The following IL1RAPL2 variants were observed in gnomAD, a reference collection of about 807,000 sequenced individuals.
IL1RAPL2 encodes interleukin 1 receptor accessory protein like 2, also known as X-linked interleukin-1 receptor accessory protein-like 2.
A neutral mutation model predicts 44.1 loss-of-function variants in IL1RAPL2; 3 were observed. That is an observed-to-expected ratio of 0.07 (90% CI 0.03 to 0.18). IL1RAPL2 has a LOEUF of 0.18. IL1RAPL2 is among the 10% of genes least tolerant of loss of function. The pLI is 1.00. For synonymous variants in IL1RAPL2, 181 were observed against 178.8 expected (o/e 1.01, Z -0.10); for missense variants, 391 against 496.4 (o/e 0.79, Z 2.02).
At chrX:105,479,858 G>C (rs377447197) in intron 5 of IL1RAPL2, among the ~76,000 whole-genome samples, 4 of 111,605 alleles carry the variant, frequency 3.6e-5, no homozygotes, top group South Asian at 7.5e-4. Flanking sequence ...GTTCCCAGGT[G>C]ACAAGTTCAG....
chrX:104,704,064 T>C (rs1931324221), intron 2 of IL1RAPL2, among the ~76,000 whole-genome samples: 1 of 111,850 alleles, frequency 8.9e-6, no homozygotes, highest in Non-Finnish European at 1.9e-5. Flanking sequence ...CTACTCCTAA[T>C]TTGGGGATAA....
intron 2 of IL1RAPL2, among the ~76,000 whole-genome samples, chrX:105,007,956 T>C (rs1392573049): frequency 8.7e-6 from 1 of 114,817 alleles, no homozygotes; most frequent in South Asian, 3.4e-4. Context: ...ATAAACACTA[T>C]ACATTGACGT....
At position 104,877,214 on chromosome X, in the gene IL1RAPL2, G is replaced by C. The variant is rs754514129; in HGVS notation, c.82+218219G>C. Among the ~76,000 whole-genome samples, 28 of 111,597 alleles carry C rather than the reference G, an allele frequency of 2.5e-4. No homozygotes were observed. The South Asian group carries it at 0.011, about 42-fold the overall frequency. ...TACGGGTGCATGTGTCTTTATAGCA[G>C]CATGATTTACAGTCCTTTGGGTATA... On this transcript the variant is annotated intron_variant, in intron 2 of 10. Transcript: ENST00000372582.
intron 5 of IL1RAPL2, among the ~76,000 whole-genome samples, chrX:105,289,135 A>C (rs1001763349): frequency 2.7e-5 from 3 of 111,223 alleles, no homozygotes; most frequent in Non-Finnish European, 3.8e-5. Context: ...GAATGGGCTC[A>C]GGATTTGCCA....
chrX:105,138,557 G>A (rs984977631), intron 2 of IL1RAPL2, among the ~76,000 whole-genome samples: 3 of 107,394 alleles, frequency 2.8e-5, no homozygotes, highest in African/African-American at 1.0e-4. Flanking sequence ...ATTAGAGGAA[G>A]AAAGAACTCC....
At chrX:105,602,126 G>C (rs1256519678) in intron 6 of IL1RAPL2, among the ~76,000 whole-genome samples, 1 of 111,339 alleles carries the variant, frequency 9.0e-6, no homozygotes, top group African/African-American at 3.3e-5. Context: ...ACTGAACCTA[G>C]CACCTCCAGT....
chrX:104,818,502 A>G (rs1921208652), intron 2 of IL1RAPL2, among the ~76,000 whole-genome samples: 1 of 109,975 alleles, frequency 9.1e-6, no homozygotes, highest in South Asian at 3.9e-4. Context: ...AGAAGGGAGG[A>G]GAGCCCAGGA....
intron 2 of IL1RAPL2, among the ~76,000 whole-genome samples, chrX:104,789,446 T>C (rs1474530540): frequency 9.0e-6 from 1 of 111,446 alleles, no homozygotes; most frequent in Non-Finnish European, 1.9e-5. Flanking sequence ...GTTTAGAAAT[T>C]GTTATCCCCT....
At chrX:105,501,329 A>G (rs1369904220) in intron 6 of IL1RAPL2, among the ~76,000 whole-genome samples, 1 of 111,789 alleles carries the variant, frequency 8.9e-6, no homozygotes, top group Non-Finnish European at 1.9e-5. Flanking sequence ...GCTATCTAGA[A>G]CCATAAGATC....
intron 2 of IL1RAPL2, among the ~76,000 whole-genome samples, chrX:105,062,965 A>G (rs1156504662): frequency 3.6e-5 from 4 of 111,302 alleles, no homozygotes; most frequent in Non-Finnish European, 7.5e-5. Flanking sequence ...GTACTTGAAT[A>G]TTGATATCTT....
intron 5 of IL1RAPL2, among the ~76,000 whole-genome samples, chrX:105,284,561 C>G (rs1233541808): frequency 8.9e-6 from 1 of 111,960 alleles, no homozygotes; most frequent in Non-Finnish European, 1.9e-5. Context: ...GGGCAACTCC[C>G]TGTGTGTGGT....
In IL1RAPL2 at chrX:104,568,537, C is replaced by T. The variant is rs138560004; in HGVS notation, c.-20+1486C>T. On this transcript the variant is annotated intron_variant, in intron 1 of 10. Transcript: ENST00000372582. ...GTGAACTCTCTAATTTGCGGGCCGC[C>T]CTGGGCTAGATAGCCCACAATTACC... 1.1e-4 allele frequency among the ~76,000 whole-genome samples: 12 copies of T among 111,920 alleles called. No individual in the cohort carries two copies. In the East Asian group the frequency reaches 3.4e-3, roughly 32 times the overall value.
At chrX:104,876,770 G>T (rs1412953267) in intron 2 of IL1RAPL2, among the ~76,000 whole-genome samples, 4 of 101,170 alleles carry the variant, frequency 4.0e-5, no homozygotes, top group African/African-American at 1.5e-4. Flanking sequence ...GGGTACATGT[G>T]CACAATGTGC....
chrX:104,917,368 A>G (rs905674866), intron 2 of IL1RAPL2, among the ~76,000 whole-genome samples: 15 of 112,080 alleles, frequency 1.3e-4, no homozygotes, highest in Non-Finnish European at 2.4e-4. Flanking sequence ...CTGATGTTAT[A>G]ATGTTCAAAA....
chrX:104,579,555 G>A (rs1021760938), intron 1 of IL1RAPL2, among the ~76,000 whole-genome samples: 1 of 111,387 alleles, frequency 9.0e-6, no homozygotes, highest in Non-Finnish European at 1.9e-5. Flanking sequence ...GCTAAACAAC[G>A]AGAACACATG....
At chrX:105,656,424 G>A (rs1321840945) in intron 6 of IL1RAPL2, among the ~76,000 whole-genome samples, 1 of 111,058 alleles carries the variant, frequency 9.0e-6, no homozygotes, top group Non-Finnish European at 1.9e-5. Flanking sequence ...AACCTGTTTG[G>A]TTATTTTTTT....
rs1427798457 is a variant in IL1RAPL2, at chrX:105,583,165, C to T, written c.772+98778C>T. Among the ~76,000 whole-genome samples the T allele has an allele frequency of 9.9e-5, 10 of 101,053 alleles. No homozygotes were observed. In the East Asian group the frequency reaches 2.1e-3, roughly 22 times the overall value. The allele number at this position is 101,053 out of a possible 115,157, so 87.8% of individuals were successfully genotyped here. On this transcript the variant is annotated intron_variant, in intron 6 of 10. Coordinates refer to ENST00000372582, the MANE Select transcript of IL1RAPL2 (RefSeq NM_017416.2). ...TTTTTTTTTTTTTGAGACGGAGTGTCGCTCTGTCGCCCAGGCTGTAGTGCA... is the reference window on the plus strand; with the variant it reads ...TTTTTTTTTTTTTGAGACGGAGTGTTGCTCTGTCGCCCAGGCTGTAGTGCA...
chrX:104,601,211 G>A (rs966819227), intron 1 of IL1RAPL2, among the ~76,000 whole-genome samples: 8 of 110,224 alleles, frequency 7.3e-5, no homozygotes, highest in East Asian at 2.9e-4. Context: ...CATGTGCCAC[G>A]TTGGTGTGCT....
At chrX:104,712,332 A>C (rs1318723756) in intron 2 of IL1RAPL2, among the ~76,000 whole-genome samples, 1 of 110,873 alleles carries the variant, frequency 9.0e-6, no homozygotes, top group East Asian at 2.9e-4. Flanking sequence ...TTGATGGTTA[A>C]TGTATTTTTG....
Sources: gnomAD v4.1 joint callset for allele counts (sites outside exome capture counted in the v4.1 genomes callset) on GRCh38, gnomAD v4.1.1 for gene constraint, MANE v1.5 for transcripts, NCBI Gene and HGNC (gene_info 2026-07-23, HGNC 2026-07-21) for gene names.